The following TUBGCP5 variants were observed in gnomAD, a reference collection of about 807,000 sequenced individuals.
TUBGCP5 encodes the protein gamma-tubulin complex component 5.
Under a neutral mutation model 134.7 loss-of-function variants are expected in TUBGCP5, and 98 were observed. The ratio of observed to expected loss-of-function variants is 0.73; its 90% CI spans 0.62 to 0.86. The LOEUF (loss-of-function observed/expected upper bound fraction) is 0.86, where lower values mean the gene tolerates loss of function less well. Among genes scored for constraint, TUBGCP5 ranks in the 40% least tolerant of loss-of-function variants. The probability of loss-of-function intolerance (pLI) is 0.00; values close to 1 mark genes in which losing one functional copy is unlikely to be tolerated. For missense variants in TUBGCP5, 1,150 were observed against 1,244.8 expected, an observed-to-expected ratio of 0.92 and a Z score of 1.15; for synonymous variants, 456 against 431.4, an observed-to-expected ratio of 1.06 and a Z score of -0.71.
At chr15:22,983,938 A>G (rs1047104043) in intron 23 of TUBGCP5, among the ~76,000 whole-genome samples, 20 of 151,702 alleles carry the variant, frequency 1.3e-4, no homozygotes, top group African/African-American at 4.6e-4. Flanking sequence ...CCTGGCCAAC[A>G]GGACAAAACC....
At chr15:23,021,932 C>T (rs2065722092) in intron 11 of TUBGCP5, 27 bp downstream of exon 11, 1 of 1,610,526 alleles carries the variant, frequency 6.2e-7, no homozygotes, top group African/African-American at 1.3e-5. Context: ...CATGGAGTCA[C>T]ACACTTTAGG....
intron 6 of TUBGCP5, 140 bp from the exon 7 acceptor site, chr15:23,027,446 T>C (rs1051130400): frequency 1.0e-5 from 7 of 692,608 alleles, no homozygotes; most frequent in African/African-American, 5.4e-5. Flanking sequence ...TATGTATATA[T>C]GATTATTTTA....
Position 23,024,148 on chromosome 15 carries a change from C to T in TUBGCP5, c.967G>A (p.Val323Ile), listed in dbSNP as rs754768495. 3.9e-5 allele frequency: 63 copies of T among 1,614,008 alleles called. No homozygotes were observed. Among genetic ancestry groups the T allele is most frequent in the Non-Finnish European group, 5.2e-5 (61 of 1,180,024 alleles). The stretch of plus-strand genomic sequence containing the variant: ...ATGAACTCCTGGAGTCGAAACACAA[C>T]CTGGCCATATGCTGCTATTTGTTCC... ...VLEQIAAYGQ[V>I]VFRLQEFIDE... is the part of the protein sequence containing the mutation. The change falls in exon 10 of 23, where the codon GTT becomes ATT. Residue 323 changes from valine to isoleucine, a missense_variant. Physicochemically the swap from Val to Ile is conservative, Grantham distance 29. Transcript: ENST00000615383.
chr15:23,034,833 CA>C (rs1436461039), intron 3 of TUBGCP5, among the ~76,000 whole-genome samples: 1 of 150,774 alleles, frequency 6.6e-6, no homozygotes, highest in Admixed American at 6.6e-5. Flanking sequence ...TCTCAAAAAA[CA>C]AAAAAACAAA....
intron 11 of TUBGCP5, 36 bp from the exon 12 acceptor site, chr15:23,019,370 T>A: frequency 7.1e-7 from 1 of 1,416,192 alleles, no homozygotes; most frequent in Non-Finnish European, 9.9e-7. Flanking sequence ...GCTCTCAGGG[T>A]TCCCTGGTCA....
rs866729330 is a variant in TUBGCP5 at position 23,039,531 on chromosome 15, C to G, written c.13G>C (p.Gly5Arg). The G allele has an allele frequency of 1.4e-6, 2 of 1,477,904 alleles. No homozygotes were observed. Among genetic ancestry groups the G allele is most frequent in the Non-Finnish European group, 1.8e-6 (2 of 1,102,194 alleles). The allele number at this position is 1,477,904 out of a possible 1,614,324, so 91.5% of individuals were successfully genotyped here. The change falls in exon 1 of 23, where the codon GGG becomes CGG. Residue 5 changes from glycine (G) to arginine (R), a missense_variant. Around this residue, in one of 2 missense-constraint regions of TUBGCP5, gnomAD observed 453 missense variants for 394.7 expected, o/e 1.15. Transcript: ENST00000615383. MARH[G>R]PPWSRLDAQQ... ...GCGTCCAACCGACTCCACGGTGGCC[C>G]GTGCCGCGCCATGTTCCGCGCTCCT...
intron 13 of TUBGCP5, among the ~76,000 whole-genome samples, chr15:23,015,009 C>T (rs1567128255): frequency 6.6e-6 from 1 of 152,138 alleles, no homozygotes. Flanking sequence ...CCCACCTTGG[C>T]CAAACCACTG....
In TUBGCP5 at chr15:23,039,395, C is replaced by T. The variant is rs1166220108; in HGVS notation, c.146+3G>A. ...GAACCCGCCCGCGCGCCGTGCCCCA[C>T]ACCTGAAGTTGGACCAGGCGAAGTT... On this transcript the variant is annotated splice_donor_region_variant and intron_variant, in intron 1 of 22. Coordinates refer to ENST00000615383, the MANE Select transcript of TUBGCP5 (RefSeq NM_052903.6). The T allele has an allele frequency of 1.4e-6, 2 of 1,474,940 alleles. No individual in the cohort carries two copies. Among genetic ancestry groups the T allele is most frequent in the South Asian group, 1.3e-5 (1 of 74,848 alleles). 91.4% of individuals were successfully genotyped at this position (1,474,940 alleles called of 1,614,324 possible).
Position 23,010,003 on chromosome 15 carries a change from C to T in TUBGCP5, c.2086G>A (p.Asp696Asn), listed in dbSNP as rs2064942065. The change falls in exon 15 of 23, where the codon GAC becomes AAC. Residue 696 changes from aspartate to asparagine, a missense_variant. Asp to Asn is a conservative substitution (Grantham distance 23, BLOSUM62 1). Transcript: ENST00000615383. Reference sequence around the variant, plus strand: ...CCACAGCAATCTAGATACTGCTTGTCAATATGAGGATAGAGGCAGGATCTC... The same window carrying T: ...CCACAGCAATCTAGATACTGCTTGTTAATATGAGGATAGAGGCAGGATCTC... ...TLRSCLYPHI[D>N]KQYLDCCGNL... is the part of the protein sequence containing the mutation. 1 of 1,614,064 alleles carries T rather than the reference C, an allele frequency of 6.2e-7. No homozygotes were observed. Among genetic ancestry groups the T allele is most frequent in the Admixed American group, 1.7e-5 (1 of 60,012 alleles).
Position 23,037,739 on chromosome 15 carries a change from G to A in TUBGCP5, c.147-587C>T, listed in dbSNP as rs192461806. Among the ~76,000 whole-genome samples, 24 of 152,280 alleles carry A rather than the reference G, an allele frequency of 1.6e-4. No homozygotes were observed. The Middle Eastern group carries it at 0.014, about 86-fold the overall frequency. On this transcript the variant is annotated intron_variant, in intron 1 of 22. Coordinates refer to ENST00000615383, the MANE Select transcript of TUBGCP5 (RefSeq NM_052903.6). Reference sequence around the variant, plus strand: ...TGAAAACAGTATGCGATTTCTACTGGTGATAAAGTCATAGGTAGGCTAATA... The same window carrying A: ...TGAAAACAGTATGCGATTTCTACTGATGATAAAGTCATAGGTAGGCTAATA...
At chr15:23,027,370 G>A (rs2066039488) in intron 6 of TUBGCP5, 64 bp from the exon 7 acceptor site, 1 of 1,294,766 alleles carries the variant, frequency 7.7e-7, no homozygotes, top group African/African-American at 1.5e-5. Flanking sequence ...ACAATACCTG[G>A]ACTTACAGCT....
chr15:23,000,029 G>A (rs2064280090), intron 22 of TUBGCP5, among the ~76,000 whole-genome samples, 163 bp from the exon 23 acceptor site: 1 of 152,126 alleles, frequency 6.6e-6, no homozygotes, highest in Non-Finnish European at 1.5e-5. Flanking sequence ...TCCTGCCTCA[G>A]CCTGCTGTGT....
chr15:23,024,200 C>T lies in TUBGCP5; in HGVS notation c.922-7G>A, dbSNP rs377077352. 3.7e-6 allele frequency: 6 copies of T among 1,608,700 alleles called. No individual in the cohort carries two copies. Among genetic ancestry groups the T allele is most frequent in the South Asian group, 1.1e-5 (1 of 90,412 alleles). Reference sequence around the variant, plus strand: ...GCACAGATCGTAAACAGCTCTACAACACAAGCAAACTGCAATTATTCAAAG... The same window carrying T: ...GCACAGATCGTAAACAGCTCTACAATACAAGCAAACTGCAATTATTCAAAG... On this transcript the variant is annotated splice_polypyrimidine_tract_variant and splice_region_variant and intron_variant, in intron 9 of 22. Coordinates refer to ENST00000615383, the MANE Select transcript of TUBGCP5 (RefSeq NM_052903.6).
At chr15:23,028,379 T>TAAA (rs762310901) in intron 6 of TUBGCP5, among the ~76,000 whole-genome samples, 4 of 91,064 alleles carry the variant, frequency 4.4e-5, no homozygotes, top group African/African-American at 9.0e-5. Context: ...GGCCCGGTCT[T>TAAA]AAAAAAAAAA....
chr15:23,004,186 C>T lies in TUBGCP5; in HGVS notation c.2754G>A (p.Glu918=), dbSNP rs1232449384. 6.2e-7 allele frequency: 1 copy of T among 1,613,262 alleles called. No homozygotes were observed. The highest frequency in any genetic ancestry group is 8.5e-7 in the Non-Finnish European group (1 of 1,179,722). The change falls in exon 20 of 23, where the codon GAG becomes GAA. Residue 918 remains glutamate, a synonymous_variant. Coordinates refer to ENST00000615383, the MANE Select transcript of TUBGCP5 (RefSeq NM_052903.6). ...TCAATTGATCTAAATCCTTGGCTTC[C>T]TCGACTTGATGTTGAAACTCCAGCC... ...STGLEFQHQV[E]EAKDLDQLIK... is the part of the protein sequence containing the mutation.
chr15:23,029,111 A>T (rs1471573123), intron 6 of TUBGCP5, among the ~76,000 whole-genome samples: 1 of 152,226 alleles, frequency 6.6e-6, no homozygotes, highest in Non-Finnish European at 1.5e-5. Flanking sequence ...AGTAAAAGAT[A>T]AAAAATTACG....
chr15:23,005,386 G>T, intron 19 of TUBGCP5, 46 bp downstream of exon 19: 1 of 1,595,890 alleles, frequency 6.3e-7, no homozygotes. Flanking sequence ...ACGAACAACT[G>T]TATAGATACG....
chr15:23,012,309 A>T (rs1458763519), intron 13 of TUBGCP5, among the ~76,000 whole-genome samples: 1 of 152,168 alleles, frequency 6.6e-6, no homozygotes, highest in East Asian at 1.9e-4. Context: ...GCATCTACTT[A>T]TTTCAAGTAG....
At chr15:22,995,584 A>AC (rs902691383), downstream of TUBGCP5, among the ~76,000 whole-genome samples, 10 of 151,716 alleles carry the variant, frequency 6.6e-5, no homozygotes, top group East Asian at 1.9e-4. Context: ...CAAAAAAAAA[A>AC]AAAAACAAAA....
Sources: allele counts gnomAD v4.1 joint callset (sites outside exome capture counted in the v4.1 genomes callset), GRCh38; gene constraint gnomAD v4.1.1; regional missense constraint gnomAD v4.1.1; transcripts MANE v1.5; gene names NCBI Gene and HGNC (gene_info 2026-07-23, HGNC 2026-07-21).